SLC10A7: variants seen among roughly 807,000 people sequenced by gnomAD.
SLC10A7 encodes solute carrier family 10 member 7, also known as sodium/bile acid cotransporter 7.
A neutral mutation model predicts 43.2 loss-of-function variants in SLC10A7; 29 were observed. The observed-to-expected ratio is 0.67, with a 90% CI of 0.50 to 0.92. The LOEUF (loss-of-function observed/expected upper bound fraction) is 0.92, where lower values mean the gene tolerates loss of function less well. Ranked by LOEUF, SLC10A7 falls within the 40% of genes least tolerant of loss-of-function variation. SLC10A7 has a pLI of 0.00. For synonymous variants in SLC10A7, 152 were observed against 144.8 expected (o/e 1.05, Z -0.35); for missense variants, 295 against 403.2 (o/e 0.73, Z 2.30).
intron 5 of SLC10A7, among the ~76,000 whole-genome samples, chr4:146,361,963 G>A (rs1736075520): frequency 6.6e-6 from 1 of 152,090 alleles, no homozygotes; most frequent in Non-Finnish European, 1.5e-5. Flanking sequence ...AAATGTATCA[G>A]TCTCTCAACA....
At chr4:146,281,396 C>CAAAAA (rs774519759) in intron 10 of SLC10A7, among the ~76,000 whole-genome samples, 1 of 74,926 alleles carries the variant, frequency 1.3e-5, no homozygotes, top group Non-Finnish European at 3.0e-5. Context: ...GAAGTAAAAT[C>CAAAAA]AAAAAAAAAA....
chr4:146,498,966 T>C lies in SLC10A7; in HGVS notation c.396+4883A>G, dbSNP rs140687583. 1.4e-3 allele frequency among the ~76,000 whole-genome samples: 220 copies of C among 152,258 alleles called. 1 individual carries two copies. The highest frequency in any genetic ancestry group is 2.4e-3 in the Non-Finnish European group (164 of 68,026). On this transcript the variant is annotated intron_variant, in intron 4 of 11. Coordinates refer to ENST00000335472, the MANE Select transcript of SLC10A7 (RefSeq NM_001029998.6). The stretch of plus-strand genomic sequence containing the variant: ...TAGCAGAAACAAATTTCCTCCTACG[T>C]TCTATAACAACTTTGCAAAATGAAA...
At chr4:146,393,458 A>C (rs544314078) in intron 5 of SLC10A7, among the ~76,000 whole-genome samples, 1 of 152,174 alleles carries the variant, frequency 6.6e-6, no homozygotes, top group Admixed American at 6.6e-5. Flanking sequence ...TATACTTTAC[A>C]CTCTGGTTAA....
intron 5 of SLC10A7, among the ~76,000 whole-genome samples, chr4:146,378,393 C>A (rs1560850845): frequency 6.6e-6 from 1 of 152,174 alleles, no homozygotes; most frequent in Admixed American, 6.6e-5. Flanking sequence ...TCCTAATCCA[C>A]AGAAACTGAA....
intron 5 of SLC10A7, among the ~76,000 whole-genome samples, chr4:146,430,570 G>A (rs1410134634): frequency 6.6e-6 from 1 of 151,998 alleles, no homozygotes; most frequent in East Asian, 1.9e-4. Context: ...ATCTTGAACT[G>A]TACACCAACT....
At chr4:146,501,846 C>A (rs1736445755) in intron 4 of SLC10A7, among the ~76,000 whole-genome samples, 1 of 152,118 alleles carries the variant, frequency 6.6e-6, no homozygotes, top group African/African-American at 2.4e-5. Context: ...TTCTCTCACA[C>A]CCCACATCTA....
intron 2 of SLC10A7, among the ~76,000 whole-genome samples, chr4:146,513,073 G>C (rs1385993010): frequency 6.6e-6 from 1 of 152,000 alleles, no homozygotes; most frequent in Non-Finnish European, 1.5e-5. Context: ...AATATCTCTG[G>C]AAAGGTACGC....
intron 5 of SLC10A7, among the ~76,000 whole-genome samples, chr4:146,436,254 A>C (rs1324859230): frequency 2.0e-5 from 3 of 152,158 alleles, no homozygotes; most frequent in Non-Finnish European, 4.4e-5. Flanking sequence ...ATAGGTACAG[A>C]TCCTATACAT....
At position 146,325,123 on chromosome 4, in the gene SLC10A7, GATAA is replaced by G. The variant is rs199933823; in HGVS notation, c.471+834_471+837del. ...ATTTTCCCCATAGTTTTAATTCACTGATAAATAGTGTTAGTCAAACAGCTACATT... is the reference window on the plus strand; with the variant it reads ...ATTTTCCCCATAGTTTTAATTCACTGATAGTGTTAGTCAAACAGCTACATT... On this transcript the variant is annotated intron_variant, in intron 6 of 11. Coordinates refer to ENST00000335472, the MANE Select transcript of SLC10A7 (RefSeq NM_001029998.6). Among the ~76,000 whole-genome samples, 177 of 152,226 alleles carry G rather than the reference GATAA, an allele frequency of 1.2e-3. 1 individual carries two copies. The East Asian group carries it at 0.02, about 17-fold the overall frequency.
chr4:146,297,014 TCAA>T (rs1437517297), intron 7 of SLC10A7, among the ~76,000 whole-genome samples: 2 of 152,156 alleles, frequency 1.3e-5, no homozygotes, highest in African/African-American at 4.8e-5. Flanking sequence ...TCGAGCTAGA[TCAA>T]CACAACCTGA....
rs77137812 is a variant in SLC10A7 at position 146,279,002 on chromosome 4, T to G, written c.847+4190A>C. Among the ~76,000 whole-genome samples the G allele has an allele frequency of 5.4e-3, 827 of 152,308 alleles. 4 individuals are homozygous for G. Among genetic ancestry groups the G allele is most frequent in the East Asian group, 0.02 (102 of 5,188 alleles). The stretch of plus-strand genomic sequence containing the variant: ...CAATGTAAGAAATAGTTTCCTTGAT[T>G]TGCCTTTGTACACAAATGTCTGTAA... On this transcript the variant is annotated intron_variant, in intron 10 of 11. Coordinates refer to ENST00000335472, the MANE Select transcript of SLC10A7 (RefSeq NM_001029998.6).
At chr4:146,440,526 C>T (rs1730516424) in intron 5 of SLC10A7, among the ~76,000 whole-genome samples, 1 of 152,100 alleles carries the variant, frequency 6.6e-6, no homozygotes, top group Non-Finnish European at 1.5e-5. Context: ...ACTTGGACAG[C>T]TCCCTCCAAA....
At chr4:146,489,365 G>A (rs1279105463) in intron 4 of SLC10A7, among the ~76,000 whole-genome samples, 4 of 152,200 alleles carry the variant, frequency 2.6e-5, no homozygotes, top group African/African-American at 4.8e-5. Context: ...ACTCTACCTT[G>A]TTTGCGCTCT....
intron 2 of SLC10A7, among the ~76,000 whole-genome samples, chr4:146,513,616 C>T (rs183652542): frequency 6.6e-6 from 1 of 152,118 alleles, no homozygotes. Flanking sequence ...CAGTAAAGAA[C>T]CCAGCAAAAC....
In SLC10A7 at chr4:146,256,525, A is replaced by T. The variant is rs765030821; in HGVS notation, c.994-5T>A. The stretch of plus-strand genomic sequence containing the variant: ...CGGCCTTGTCAGCTTCACTCCCTAC[A>T]AGGAAGGAAAACATGTTCAGAGTTG... On this transcript the variant is annotated splice_polypyrimidine_tract_variant and splice_region_variant and intron_variant, in intron 11 of 11. Transcript: ENST00000335472. 6 of 1,613,958 alleles carry T rather than the reference A, an allele frequency of 3.7e-6. No homozygotes were observed. In the East Asian group the frequency reaches 8.9e-5, roughly 24 times the overall value.
chr4:146,488,981 C>T (rs934141925), intron 4 of SLC10A7, among the ~76,000 whole-genome samples: 1 of 152,112 alleles, frequency 6.6e-6, no homozygotes, highest in Non-Finnish European at 1.5e-5. Context: ...GCACTAGATA[C>T]AGAGGATACA....
rs1738696590 is a variant in SLC10A7, at chr4:146,521,698, A to G, written c.20T>C (p.Met7Thr). ...TCCGACCATGAACCAGTCTTTCCTC[A>G]TTCTCTCCAGCAGCCTCATATTTGT... is the stretch of plus-strand genomic sequence containing the variant. Reference protein sequence around the residue: MRLLERMRKDWFMVGIV... With the variant: MRLLERTRKDWFMVGIV... Residue 7 changes from methionine (M) to threonine (T), a missense_variant, in exon 1 of 12, where the codon ATG (methionine) becomes ACG (threonine). By Grantham distance (81) the Met-to-Thr change is moderately conservative (BLOSUM62 -1). This residue lies in a region of SLC10A7 where 53 missense variants were observed against 40.7 expected (regional missense o/e 1.30). Coordinates refer to ENST00000335472, the MANE Select transcript of SLC10A7 (RefSeq NM_001029998.6). 2 of 1,613,932 alleles carry G rather than the reference A, an allele frequency of 1.2e-6. No homozygotes were observed. Among genetic ancestry groups the G allele is most frequent in the Non-Finnish European group, 1.7e-6 (2 of 1,180,002 alleles).
rs199668709 is a variant in SLC10A7 at position 146,367,866 on chromosome 4, AATAAAACAATG to A, written c.436-41881_436-41871del. Among the ~76,000 whole-genome samples the A allele has an allele frequency of 1.4e-4, 22 of 152,346 alleles. No individual in the cohort carries two copies. In the East Asian group the frequency reaches 3.3e-3, roughly 23 times the overall value. On this transcript the variant is annotated intron_variant, in intron 5 of 11. Coordinates refer to ENST00000335472, the MANE Select transcript of SLC10A7 (RefSeq NM_001029998.6). ...AAACATTAAAAACAAAACAAACAAC[AATAAAACAATG>A]AATAGTTGATAACAAATGAGCCTTC...
intron 7 of SLC10A7, among the ~76,000 whole-genome samples, chr4:146,304,653 G>A (rs916340334): frequency 3.9e-5 from 6 of 152,154 alleles, no homozygotes; most frequent in Non-Finnish European, 7.3e-5. Context: ...ATTTGCTGAG[G>A]AGAGCTTTAC....
Sources: allele counts gnomAD v4.1 joint callset (sites outside exome capture counted in the v4.1 genomes callset), GRCh38; gene constraint gnomAD v4.1.1; regional missense constraint gnomAD v4.1.1; transcripts MANE v1.5; gene names NCBI Gene and HGNC (gene_info 2026-07-23, HGNC 2026-07-21).